The following TG variants were observed in gnomAD, a reference collection of about 807,000 sequenced individuals.
TG encodes the protein thyroglobulin.
Under a neutral mutation model 324.7 loss-of-function variants are expected in TG, and 270 were observed. That is an observed-to-expected ratio of 0.83 (90% CI 0.75 to 0.92). TG has a LOEUF of 0.92. Among genes scored for constraint, TG ranks in the 40% least tolerant of loss-of-function variants. The probability of loss-of-function intolerance (pLI) is 0.00; values close to 1 mark genes in which losing one functional copy is unlikely to be tolerated. For missense variants in TG, 3,591 were observed against 3,456.4 expected, an observed-to-expected ratio of 1.04 and a Z score of -0.98; for synonymous variants, 1,401 against 1,327.0, an observed-to-expected ratio of 1.06 and a Z score of -1.21.
chr8:133,104,851 C>T (rs965564180), intron 43 of TG, among the ~76,000 whole-genome samples: 1 of 152,164 alleles, frequency 6.6e-6, no homozygotes, highest in South Asian at 2.1e-4. Context: ...TGGATGCAAA[C>T]GGCCACCCAG....
At chr8:133,067,882 G>A (rs1310899078) in intron 41 of TG, among the ~76,000 whole-genome samples, 4 of 21,046 alleles carry the variant, frequency 1.9e-4, no homozygotes, top group Admixed American at 4.8e-4. Flanking sequence ...AAGGAAGGAA[G>A]GAAGTATGTA....
At chr8:133,037,975 T>C (rs1837397204) in intron 41 of TG, 3 of 154,624 alleles carry the variant, frequency 1.9e-5, no homozygotes, top group Admixed American at 1.3e-4. Flanking sequence ...TTTGGGCTAA[T>C]GTTTAGTGTC....
chr8:133,127,236 C>T (rs1179505468), intron 45 of TG, among the ~76,000 whole-genome samples: 1 of 152,224 alleles, frequency 6.6e-6, no homozygotes, highest in Non-Finnish European at 1.5e-5. Flanking sequence ...AATGGATGTA[C>T]CTCCATCATC....
chr8:133,020,445 C>G (rs1287639417), intron 39 of TG, among the ~76,000 whole-genome samples: 1 of 152,178 alleles, frequency 6.6e-6, no homozygotes, highest in Non-Finnish European at 1.5e-5. Flanking sequence ...GCCTCAGCAG[C>G]CACAAGCCAA....
intron 41 of TG, among the ~76,000 whole-genome samples, chr8:133,077,854 C>G (rs781425669): frequency 2.6e-5 from 4 of 151,908 alleles, no homozygotes; most frequent in Admixed American, 6.6e-5. Context: ...ACCCCCTAGA[C>G]AGCAGGAGCC....
At chr8:133,051,705 A>G (rs921758749) in intron 41 of TG, among the ~76,000 whole-genome samples, 1 of 152,168 alleles carries the variant, frequency 6.6e-6, no homozygotes, top group African/African-American at 2.4e-5. Context: ...ACTGAGCGAT[A>G]CGTCTGCTTC....
chr8:132,987,935 A>G (rs1422665743), intron 35 of TG, among the ~76,000 whole-genome samples: 2 of 152,112 alleles, frequency 1.3e-5, no homozygotes, highest in Non-Finnish European at 2.9e-5. Flanking sequence ...ATCACATAGT[A>G]TGTACTCAAG....
rs376481950 is a variant in TG, at chr8:133,131,827, G to A, written c.7878G>A (p.Ala2626=). 35 of 1,613,988 alleles carry A rather than the reference G, an allele frequency of 2.2e-5. No homozygotes were observed. The highest frequency in any genetic ancestry group is 1.5e-4 in the African/African-American group (11 of 74,886). ...NYGHGSLELL[A]DVQFALGLPF... is the part of the protein sequence containing the mutation. ...GTTTTCTCAGCCTGGAGCTGCTGGC[G>A]GATGTTCAGTTTGCCTTGGGGCTTC... The change falls in exon 46 of 48, where the codon GCG becomes GCA. Residue 2626 remains alanine (A), a synonymous_variant. Coordinates refer to ENST00000220616, the MANE Select transcript of TG (RefSeq NM_003235.5).
intron 41 of TG, among the ~76,000 whole-genome samples, chr8:133,031,222 G>A (rs897730450): frequency 2.0e-5 from 3 of 152,146 alleles, no homozygotes; most frequent in Non-Finnish European, 4.4e-5. Flanking sequence ...TGTAAGATTT[G>A]TCCTAATGTG....
intron 38 of TG, 35 bp from the exon 39 acceptor site, chr8:133,019,567 G>A: frequency 6.3e-7 from 1 of 1,589,868 alleles, no homozygotes. Context: ...TGGTGATGGA[G>A]CATGTCTTGG....
chr8:132,896,042 G>C (rs1385027294), intron 11 of TG, among the ~76,000 whole-genome samples: 10 of 152,248 alleles, frequency 6.6e-5, no homozygotes. Context: ...ACTAGAACAT[G>C]GTAGCCATGT....
intron 41 of TG, among the ~76,000 whole-genome samples, chr8:133,041,015 G>C (rs1020845299): frequency 6.6e-6 from 1 of 152,164 alleles, no homozygotes. Context: ...CTCTTGGAAG[G>C]CTTCTCCCTA....
At chr8:133,056,420 A>G (rs1841452759) in intron 41 of TG, among the ~76,000 whole-genome samples, 1 of 152,216 alleles carries the variant, frequency 6.6e-6, no homozygotes, top group Non-Finnish European at 1.5e-5. Flanking sequence ...CATCTGGGTC[A>G]TTAAATCTGG....
intron 5 of TG, among the ~76,000 whole-genome samples, 188 bp downstream of exon 5, chr8:132,873,409 A>G (rs1004804057): frequency 6.6e-6 from 1 of 152,238 alleles, no homozygotes; most frequent in South Asian, 2.1e-4. Flanking sequence ...CTGGCAATTG[A>G]TATTTAATGA....
chr8:132,961,469 T>C (rs1323582872), intron 28 of TG, among the ~76,000 whole-genome samples: 2 of 152,180 alleles, frequency 1.3e-5, no homozygotes, highest in Non-Finnish European at 2.9e-5. Flanking sequence ...CCCAGGCAGG[T>C]AGTGCCCTGA....
intron 43 of TG, among the ~76,000 whole-genome samples, chr8:133,110,536 T>C (rs538245275): frequency 3.3e-5 from 5 of 152,364 alleles, no homozygotes; most frequent in African/African-American, 1.2e-4. Flanking sequence ...AAATGCTTTC[T>C]TCATCTAATA....
At position 133,134,769 on chromosome 8, in the gene TG, C is replaced by G; in HGVS notation, c.8282C>G (p.Pro2761Arg). Reference protein sequence around the residue: ...LREDLLSLQEPGSKTYSK With the variant: ...LREDLLSLQERGSKTYSK ...GAAGATCTCCTAAGCCTCCAGGAACCAGGCTCTAAGACCTACAGCAAGTGA... is the reference window on the plus strand; with the variant it reads ...GAAGATCTCCTAAGCCTCCAGGAACGAGGCTCTAAGACCTACAGCAAGTGA... The change falls in exon 48 of 48, where the codon CCA (proline) becomes CGA (arginine). Residue 2761 changes from proline (P) to arginine (R), a missense_variant. Coordinates refer to ENST00000220616, the MANE Select transcript of TG (RefSeq NM_003235.5). 6.2e-6 allele frequency: 10 copies of G among 1,614,172 alleles called. No homozygotes were observed. Among genetic ancestry groups the G allele is most frequent in the Non-Finnish European group, 8.5e-6 (10 of 1,180,014 alleles).
At chr8:132,960,559 C>T (rs535765612) in intron 27 of TG, among the ~76,000 whole-genome samples, 1 of 152,270 alleles carries the variant, frequency 6.6e-6, no homozygotes, top group South Asian at 2.1e-4. Context: ...AAGTGGCTGC[C>T]TATCAAATGT....
chr8:132,901,515 C>G lies in TG; in HGVS notation c.3596C>G (p.Pro1199Arg), dbSNP rs114579361. Residue 1199 changes from proline to arginine, a missense_variant, in exon 16 of 48, where the codon CCT (proline) becomes CGT (arginine). Coordinates refer to ENST00000220616, the MANE Select transcript of TG (RefSeq NM_003235.5). ...WCVMDSGEEVPGTRVTGGQPA... is the reference protein window; with the variant it reads ...WCVMDSGEEVRGTRVTGGQPA... ...GTCATGGACAGCGGAGAAGAGGTGC[C>G]TGGGACGCGCGTGACCGGGGGCCAG... The G allele has an allele frequency of 1.2e-6, 2 of 1,613,932 alleles. No individual in the cohort carries two copies. The highest frequency in any genetic ancestry group is 1.7e-6 in the Non-Finnish European group (2 of 1,180,030).
Sources: allele counts gnomAD v4.1 joint callset (sites outside exome capture counted in the v4.1 genomes callset), GRCh38; gene constraint gnomAD v4.1.1; transcripts MANE v1.5; gene names NCBI Gene and HGNC (gene_info 2026-07-23, HGNC 2026-07-21).